The following ZGRF1 variants were observed in gnomAD, a reference collection of about 807,000 sequenced individuals.
ZGRF1 encodes zinc finger GRF-type containing 1, also known as 5'-3' DNA helicase ZGRF1.
A neutral mutation model predicts 203.5 loss-of-function variants in ZGRF1; 196 were observed. That is an observed-to-expected ratio of 0.96 (90% confidence interval 0.86 to 1.08). The LOEUF (loss-of-function observed/expected upper bound fraction) is 1.08. ZGRF1 is among the 50% of genes least tolerant of loss of function. The probability of loss-of-function intolerance (pLI) is 0.00; values close to 1 mark genes in which losing one functional copy is unlikely to be tolerated. For missense variants in ZGRF1, 2,326 were observed against 2,416.3 expected, an observed-to-expected ratio of 0.96 and a Z score of 0.78; for synonymous variants, 809 against 841.3, an observed-to-expected ratio of 0.96 and a Z score of 0.66.
intron 6 of ZGRF1, among the ~76,000 whole-genome samples, chr4:112,616,696 G>A (rs1328260116): frequency 6.6e-6 from 1 of 151,266 alleles, no homozygotes; most frequent in Non-Finnish European, 1.5e-5. Context: ...AATTAGCTGG[G>A]CGTGGTCGTG....
At chr4:112,548,411 C>T in intron 22 of ZGRF1, 31 bp from the exon 23 acceptor site, 3 of 1,514,780 alleles carry the variant, frequency 2.0e-6, no homozygotes, top group Non-Finnish European at 1.8e-6. Context: ...TATTAATTAA[C>T]AATTATTAAA....
chr4:112,562,489 T>C lies in ZGRF1; in HGVS notation c.4583-4A>G, dbSNP rs1208017365. 1 of 1,537,810 alleles carries C rather than the reference T, an allele frequency of 6.5e-7. No homozygotes were observed. The highest frequency in any genetic ancestry group is 9.0e-7 in the Non-Finnish European group (1 of 1,116,422). On this transcript the variant is annotated splice_region_variant and splice_polypyrimidine_tract_variant and intron_variant, in intron 17 of 27. Coordinates refer to ENST00000505019, the MANE Select transcript of ZGRF1 (RefSeq NM_018392.5). ...ACCAATAACGCATGGACAACCACTGTACAGAGGATGCAGAAAATAAACATT... is the reference window on the plus strand; with the variant it reads ...ACCAATAACGCATGGACAACCACTGCACAGAGGATGCAGAAAATAAACATT...
In ZGRF1 at chr4:112,539,391, C is replaced by CACTT; in HGVS notation, c.*152_*155dup. 1 of 452,560 alleles carries CACTT rather than the reference C, an allele frequency of 2.2e-6. No individual in the cohort carries two copies. Among genetic ancestry groups the CACTT allele is most frequent in the Non-Finnish European group, 3.8e-6 (1 of 263,974 alleles). The allele number at this position is 452,560 out of a possible 1,614,324, so 28.0% of individuals were successfully genotyped here. A position where few individuals can be genotyped will look rare whatever the true frequency, so the allele number is the denominator to read the frequency against. ...GTAGGATTTTATACTACCTTTTGTACACTTTTTTGAAGAACAAAATTTTTA... is the reference window on the plus strand; with the variant it reads ...GTAGGATTTTATACTACCTTTTGTACACTTACTTTTTTGAAGAACAAAATTTTTA... On this transcript the variant is annotated 3_prime_UTR_variant, in exon 28 of 28. Transcript: ENST00000505019.
intron 16 of ZGRF1, among the ~76,000 whole-genome samples, chr4:112,567,306 T>C (rs1743298133): frequency 6.6e-6 from 1 of 150,454 alleles, no homozygotes; most frequent in Admixed American, 6.6e-5. Context: ...CAGGGAAAAA[T>C]GAGTTCACAG....
At chr4:112,549,336 T>C (rs1560740440) in intron 22 of ZGRF1, among the ~76,000 whole-genome samples, 1 of 152,318 alleles carries the variant, frequency 6.6e-6, no homozygotes, top group East Asian at 1.9e-4. Context: ...GTCACTGACC[T>C]AGTAGCCCGC....
chr4:112,560,966 C>G lies in ZGRF1; in HGVS notation c.4727G>C (p.Arg1576Thr), dbSNP rs752978550. The G allele has an allele frequency of 7.5e-6, 12 of 1,610,432 alleles. No homozygotes were observed. The highest frequency in any genetic ancestry group is 1.0e-5 in the Non-Finnish European group (12 of 1,177,410). ...TSSPTIVSNK[R>T]VSKRKFIPPA... ...TGGGATAAATTTTCTCTTACTGACT[C>G]TTTTGTTACTAACTATAGTTGGCGA... The change falls in exon 19 of 28, where the codon AGA (arginine) becomes ACA (threonine). Residue 1576 changes from arginine to threonine, a missense_variant. Arg to Thr is a moderately conservative substitution (Grantham distance 71, BLOSUM62 -1). Transcript: ENST00000505019.
At position 112,577,701 on chromosome 4, in the gene ZGRF1, A is replaced by C. The variant is rs552730240; in HGVS notation, c.4438+3962T>G. ...CAAAGAAGGCCATTACATAATGGTAAAGGGATCAATTCAACAAGAAGAGCT... is the reference window on the plus strand; with the variant it reads ...CAAAGAAGGCCATTACATAATGGTACAGGGATCAATTCAACAAGAAGAGCT... On this transcript the variant is annotated intron_variant, in intron 16 of 27. Coordinates refer to ENST00000505019, the MANE Select transcript of ZGRF1 (RefSeq NM_018392.5). 2.2e-4 allele frequency among the ~76,000 whole-genome samples: 27 copies of C among 123,474 alleles called. 9 individuals are homozygous for C. The highest frequency in any genetic ancestry group is 7.6e-4 in the African/African-American group (27 of 35,636). 81.0% of individuals were successfully genotyped at this position (123,474 alleles called of 152,430 possible). A position where few individuals can be genotyped will look rare whatever the true frequency, so the allele number is the denominator to read the frequency against.
rs1343050304 is a variant in ZGRF1, at chr4:112,553,839, T to C, written c.5342A>G (p.Lys1781Arg). Residue 1781 changes from lysine (K) to arginine (R), a missense_variant, in exon 22 of 28, where the codon AAG (lysine) becomes AGG (arginine). By Grantham distance (26) the Lys-to-Arg change is conservative. Transcript: ENST00000505019. ...ATTGAAGCTACTACTTCTTACCTGC[T>C]TCAGCAGGGTTCTATTGGTCCCCAG... is the stretch of plus-strand genomic sequence containing the variant. ...HKLGTNRTLL[K>R]QVRVVGVTCA... 3 of 1,604,696 alleles carry C rather than the reference T, an allele frequency of 1.9e-6. No individual in the cohort carries two copies. Among genetic ancestry groups the C allele is most frequent in the Non-Finnish European group, 1.7e-6 (2 of 1,177,758 alleles).
chr4:112,606,073 T>C lies in ZGRF1; in HGVS notation c.2737A>G (p.Lys913Glu), dbSNP rs1450475248. ...QSVQFSSSGSKEETAFQAVIP... is the reference protein window; with the variant it reads ...QSVQFSSSGSEEETAFQAVIP... ...ACAGCTTGAAAAGCAGTCTCTTCTT[T>C]ACTTCCCGAGGAAGAGAACTAGGAT... The change falls in exon 9 of 28, where the codon AAA (lysine) becomes GAA (glutamate). Residue 913 changes from lysine (K) to glutamate (E), a missense_variant. Physicochemically the swap from Lys to Glu is moderately conservative, Grantham distance 56 (BLOSUM62 1). Transcript: ENST00000505019. 6.3e-7 allele frequency: 1 copy of C among 1,597,918 alleles called. No individual in the cohort carries two copies. Among genetic ancestry groups the C allele is most frequent in the Non-Finnish European group, 8.5e-7 (1 of 1,170,278 alleles).
intron 10 of ZGRF1, among the ~76,000 whole-genome samples, chr4:112,602,812 TTATA>T (rs886116398): frequency 6.6e-6 from 1 of 152,178 alleles, no homozygotes; most frequent in Non-Finnish European, 1.5e-5. Context: ...ATGATTCTAT[TTATA>T]TAAAGTTTTA....
At position 112,587,192 on chromosome 4, in the gene ZGRF1, CT is replaced by C; in HGVS notation, c.3777+87del. The C allele has an allele frequency of 2.3e-6, 3 of 1,276,794 alleles. No individual in the cohort carries two copies. The East Asian group carries it at 7.0e-5, about 30-fold the overall frequency. The allele number at this position is 1,276,794 out of a possible 1,614,324, so 79.1% of individuals were successfully genotyped here. On this transcript the variant is annotated intron_variant, in intron 12 of 27. Coordinates refer to ENST00000505019, the MANE Select transcript of ZGRF1 (RefSeq NM_018392.5). ...AAAAAGCCATCTGTCCAAATTGCTC[CT>C]ATGCAGTATATTTTGGTAATTCTTT... is the stretch of plus-strand genomic sequence containing the variant.
chr4:112,619,397 T>C lies in ZGRF1; in HGVS notation c.645A>G (p.Ser215=). ...AAAGCTTATTTCCAGAATTGACAGGTGAGCAAAAATAATTTTCTTCACACA... is the reference window on the plus strand; with the variant it reads ...AAAGCTTATTTCCAGAATTGACAGGCGAGCAAAAATAATTTTCTTCACACA... ...EVLCEENYFC[S]PVNSGNKLSD... The change falls in exon 6 of 28, where the codon TCA becomes TCG. Residue 215 remains serine (S), a synonymous_variant. Coordinates refer to ENST00000505019, the MANE Select transcript of ZGRF1 (RefSeq NM_018392.5). The C allele has an allele frequency of 6.2e-7, 1 of 1,613,100 alleles. No homozygotes were observed. Among genetic ancestry groups the C allele is most frequent in the Non-Finnish European group, 8.5e-7 (1 of 1,179,416 alleles).
Position 112,623,879 on chromosome 4 carries a change from G to A in ZGRF1, c.103-3C>T. ...CCTTTGTCATCATATAAAATTGCCT[G>A]TATGAAAACAAAATAAATGTTAAAA... On this transcript the variant is annotated splice_polypyrimidine_tract_variant and splice_region_variant and intron_variant, in intron 3 of 27. Transcript: ENST00000505019. 1 of 1,536,854 alleles carries A rather than the reference G, an allele frequency of 6.5e-7. No homozygotes were observed. The highest frequency in any genetic ancestry group is 8.9e-7 in the Non-Finnish European group (1 of 1,118,580).
intron 6 of ZGRF1, among the ~76,000 whole-genome samples, chr4:112,613,588 A>G (rs1488353788): frequency 2.6e-5 from 4 of 152,238 alleles, no homozygotes; most frequent in Non-Finnish European, 4.4e-5. Context: ...TACAGGAATT[A>G]GGAAAAGTTT....
intron 24 of ZGRF1, among the ~76,000 whole-genome samples, chr4:112,543,313 A>G (rs1237312300): frequency 6.6e-6 from 1 of 152,036 alleles, no homozygotes; most frequent in African/African-American, 2.4e-5. Context: ...TTATATGTTT[A>G]TTGTATTAGT....
At chr4:112,626,060 T>C (rs2047230066) in intron 3 of ZGRF1, among the ~76,000 whole-genome samples, 1 of 152,130 alleles carries the variant, frequency 6.6e-6, no homozygotes, top group Admixed American at 6.5e-5. Flanking sequence ...TAGGTAAATC[T>C]AGAGACAGTA....
At chr4:112,592,064 C>T (rs548965031) in intron 10 of ZGRF1, among the ~76,000 whole-genome samples, 19 of 150,860 alleles carry the variant, frequency 1.3e-4, no homozygotes, top group African/African-American at 4.6e-4. Flanking sequence ...TTGCTACATA[C>T]ATGGTCTCCA....
chr4:112,603,138 C>T (rs1750230784), intron 10 of ZGRF1, among the ~76,000 whole-genome samples: 1 of 152,096 alleles, frequency 6.6e-6, no homozygotes, highest in Non-Finnish European at 1.5e-5. Context: ...CCTCTATTTT[C>T]ATCCCCAGAA....
chr4:112,565,543 A>G, intron 16 of ZGRF1: 2 of 586,688 alleles, frequency 3.4e-6, no homozygotes, highest in Non-Finnish European at 3.0e-6. Flanking sequence ...AGAAACTACC[A>G]TCAGAGTGAA....
Sources: allele counts gnomAD v4.1 joint callset (sites outside exome capture counted in the v4.1 genomes callset), GRCh38; gene constraint gnomAD v4.1.1; transcripts MANE v1.5; gene names NCBI Gene and HGNC (gene_info 2026-07-23, HGNC 2026-07-21).